Variants in ANGPT2 observed in about 807,000 individuals in gnomAD.
ANGPT2 encodes angiopoietin 2.
ANGPT2 carries 28 observed loss-of-function variants against 62.9 expected under a neutral mutation model. That is an observed-to-expected ratio of 0.44 (90% CI 0.33 to 0.61). The LOEUF (loss-of-function observed/expected upper bound fraction) is 0.61. Among genes scored for constraint, ANGPT2 ranks in the 20% least tolerant of loss-of-function variants. The pLI is 0.03. For missense variants in ANGPT2, 727 were observed against 594.9 expected (o/e 1.22, Z -2.31); for synonymous variants, 284 against 207.8 (o/e 1.37, Z -3.15).
intron 5 of ANGPT2, among the ~76,000 whole-genome samples, chr8:6,518,074 A>T (rs1454671986): frequency 2.0e-5 from 3 of 149,966 alleles, no homozygotes; most frequent in Non-Finnish European, 4.5e-5. Context: ...TATTTCAGTT[A>T]TTCTGGGGGC....
intron 1 of ANGPT2, among the ~76,000 whole-genome samples, chr8:6,539,077 C>T (rs923193124): frequency 6.6e-6 from 1 of 152,094 alleles, no homozygotes; most frequent in South Asian, 2.1e-4. Flanking sequence ...GCTGCCTAAG[C>T]AGCTGTGTAC....
chr8:6,518,597 A>T (rs1431204754), intron 5 of ANGPT2, among the ~76,000 whole-genome samples: 5 of 152,162 alleles, frequency 3.3e-5, no homozygotes, highest in African/African-American at 1.2e-4. Flanking sequence ...TAAAACCCTA[A>T]TGCTTGTATT....
chr8:6,504,660 T>C (rs532304738), intron 8 of ANGPT2, among the ~76,000 whole-genome samples: 4 of 152,236 alleles, frequency 2.6e-5, no homozygotes, highest in African/African-American at 9.6e-5. Context: ...CCTGACTTAA[T>C]AAGGAGAGAA....
intron 3 of ANGPT2, among the ~76,000 whole-genome samples, chr8:6,522,310 ATG>A (rs1563339132): frequency 1.3e-5 from 2 of 152,006 alleles, no homozygotes; most frequent in Non-Finnish European, 2.9e-5. Context: ...AGCTGAGATC[ATG>A]CCACTGCACT....
chr8:6,534,807 T>C (rs1477289067), intron 1 of ANGPT2, among the ~76,000 whole-genome samples: 3 of 152,198 alleles, frequency 2.0e-5, no homozygotes, highest in Non-Finnish European at 4.4e-5. Flanking sequence ...TCATTCTTTC[T>C]CCTTCCTCCC....
At chr8:6,544,996 G>A (rs1822303466) in intron 1 of ANGPT2, among the ~76,000 whole-genome samples, 1 of 152,122 alleles carries the variant, frequency 6.6e-6, no homozygotes, top group Non-Finnish European at 1.5e-5. Context: ...CTCATGCTCT[G>A]CAGTTCCATT....
At chr8:6,506,227 C>G (rs1233130650) in intron 8 of ANGPT2, among the ~76,000 whole-genome samples, 1 of 151,702 alleles carries the variant, frequency 6.6e-6, no homozygotes, top group South Asian at 2.1e-4. Context: ...TAGGTCAGTG[C>G]CTTCTGGAGC....
intron 3 of ANGPT2, among the ~76,000 whole-genome samples, chr8:6,524,163 A>G (rs1255359753): frequency 6.6e-6 from 1 of 152,204 alleles, no homozygotes; most frequent in Non-Finnish European, 1.5e-5. Context: ...TGCACATTGC[A>G]GAGTTTTGTT....
intron 8 of ANGPT2, among the ~76,000 whole-genome samples, chr8:6,505,303 G>T (rs577230343): frequency 8.3e-4 from 21 of 25,308 alleles, no homozygotes; most frequent in African/African-American, 1.0e-3. Context: ...ACATATATAT[G>T]TATATAACAT....
At chr8:6,523,122 C>T (rs1373266406) in intron 3 of ANGPT2, among the ~76,000 whole-genome samples, 2 of 151,934 alleles carry the variant, frequency 1.3e-5, no homozygotes, top group Non-Finnish European at 2.9e-5. Context: ...CTCAGTCTCC[C>T]GAGTAGCTGG....
chr8:6,524,570 C>T (rs576676160), intron 3 of ANGPT2, among the ~76,000 whole-genome samples: 10 of 152,266 alleles, frequency 6.6e-5, no homozygotes, highest in Admixed American at 3.9e-4. Context: ...TCTTACCTTC[C>T]GTTTAACAGA....
At chr8:6,559,763 C>CA (rs1217780335) in intron 1 of ANGPT2, among the ~76,000 whole-genome samples, 2 of 152,090 alleles carry the variant, frequency 1.3e-5, no homozygotes, top group African/African-American at 2.4e-5. Context: ...TTAATATCAC[C>CA]AGGGCAGAGG....
At chr8:6,548,431 C>A (rs1464191099) in intron 1 of ANGPT2, among the ~76,000 whole-genome samples, 2 of 152,196 alleles carry the variant, frequency 1.3e-5, no homozygotes, top group African/African-American at 4.8e-5. Context: ...ATCCTCATCT[C>A]AACCATTATC....
At chr8:6,522,501 C>T (rs1345755063) in intron 3 of ANGPT2, among the ~76,000 whole-genome samples, 2 of 152,146 alleles carry the variant, frequency 1.3e-5, no homozygotes, top group African/African-American at 4.8e-5. Flanking sequence ...GGGCCAGGCT[C>T]AGTGGCTCAC....
At chr8:6,554,923 G>C (rs13262156) in intron 1 of ANGPT2, among the ~76,000 whole-genome samples, 6,223 of 152,264 alleles carry the variant, frequency 0.041, 177 homozygotes, top group Middle Eastern at 0.082. Flanking sequence ...GATTAGGACA[G>C]AAAAGAAAGG....
rs1398258052 is a variant in ANGPT2 at position 6,503,076 on chromosome 8, C to G, written c.*25G>C. ...TTAAGTCTTTGAAAATAGTTCGAGA[C>G]AGTTCCTCAGGTGGACTGGGATGTT... On this transcript the variant is annotated 3_prime_UTR_variant, in exon 9 of 9. Transcript: ENST00000629816. 7 of 1,613,676 alleles carry G rather than the reference C, an allele frequency of 4.3e-6. No homozygotes were observed. The highest frequency in any genetic ancestry group is 1.7e-5 in the Admixed American group (1 of 60,014).
intron 3 of ANGPT2, among the ~76,000 whole-genome samples, chr8:6,523,819 C>A (rs1469806934): frequency 6.6e-6 from 1 of 151,266 alleles, no homozygotes; most frequent in Non-Finnish European, 1.5e-5. Flanking sequence ...GAACTCCTGA[C>A]TTCCTGATTC....
intron 1 of ANGPT2, among the ~76,000 whole-genome samples, chr8:6,537,130 G>C (rs1293011680): frequency 6.6e-6 from 1 of 152,128 alleles, no homozygotes; most frequent in African/African-American, 2.4e-5. Flanking sequence ...CGTGGGAGGG[G>C]ACCCGGCTCT....
intron 1 of ANGPT2, among the ~76,000 whole-genome samples, chr8:6,537,369 CAG>C (rs1189296661): frequency 6.6e-6 from 1 of 151,964 alleles, no homozygotes; most frequent in East Asian, 1.9e-4. Context: ...CTTCCTTTCT[CAG>C]AACTCAAGTG....
Sources: gnomAD v4.1 joint callset for allele counts (sites outside exome capture counted in the v4.1 genomes callset) on GRCh38, gnomAD v4.1.1 for gene constraint, MANE v1.5 for transcripts, NCBI Gene and HGNC (gene_info 2026-07-23, HGNC 2026-07-21) for gene names.